KIF18A: variants seen among roughly 807,000 people sequenced by gnomAD.
KIF18A encodes the protein kinesin family member 18A.
KIF18A carries 67 observed loss-of-function variants against 103.3 expected under a neutral mutation model. That is an observed-to-expected ratio of 0.65 (90% CI 0.53 to 0.79). The LOEUF is 0.79. KIF18A is among the 30% of genes least tolerant of loss of function. The probability of loss-of-function intolerance (pLI) is 0.00; values close to 1 mark genes in which losing one functional copy is unlikely to be tolerated. For missense variants in KIF18A, 1,032 were observed against 1,062.5 expected (o/e 0.97, Z 0.40); for synonymous variants, 367 against 355.5 (o/e 1.03, Z -0.36).
intron 13 of KIF18A, among the ~76,000 whole-genome samples, chr11:28,052,263 T>C (rs1308470359): frequency 1.3e-5 from 2 of 152,086 alleles, no homozygotes; most frequent in African/African-American, 4.8e-5. Flanking sequence ...GTATGTTACA[T>C]TTCTGCTCAG....
chr11:28,089,631 G>A (rs1851276327), intron 5 of KIF18A, among the ~76,000 whole-genome samples: 1 of 152,080 alleles, frequency 6.6e-6, no homozygotes, highest in Non-Finnish European at 1.5e-5. Context: ...AATCTTATGG[G>A]ACCACTGTTG....
At chr11:28,057,533 AAAAAC>A (rs1850797419) in intron 13 of KIF18A, among the ~76,000 whole-genome samples, 1 of 152,070 alleles carries the variant, frequency 6.6e-6, no homozygotes, top group South Asian at 2.1e-4. Context: ...ACAAAACAAA[AAAAAC>A]AAAACAAAAA....
In KIF18A at chr11:28,030,966, T is replaced by C. The variant is rs545584254; in HGVS notation, c.2504+4421A>G. 4.6e-5 allele frequency among the ~76,000 whole-genome samples: 7 copies of C among 150,964 alleles called. No homozygotes were observed. In the East Asian group the frequency reaches 9.8e-4, roughly 21 times the overall value. ...TCACTGGCCATCAGAGAAATGCAAA[T>C]CAAAACCACAATGAGATACCATCTC... On this transcript the variant is annotated intron_variant, in intron 15 of 16. Coordinates refer to ENST00000263181, the MANE Select transcript of KIF18A (RefSeq NM_031217.4).
At chr11:28,052,865 A>G (rs1850728132) in intron 13 of KIF18A, among the ~76,000 whole-genome samples, 1 of 152,166 alleles carries the variant, frequency 6.6e-6, no homozygotes, top group Admixed American at 6.6e-5. Context: ...GATTGTTACT[A>G]AAGATGACTA....
chr11:28,091,576 C>T (rs1851305531), intron 3 of KIF18A, 63 bp from the exon 4 acceptor site: 3 of 758,264 alleles, frequency 4.0e-6, no homozygotes, highest in Non-Finnish European at 4.4e-6. Flanking sequence ...TTACATCACA[C>T]ATACACTGCT....
chr11:28,075,005 T>C (rs1851071268), intron 10 of KIF18A, among the ~76,000 whole-genome samples: 1 of 152,214 alleles, frequency 6.6e-6, no homozygotes, highest in African/African-American at 2.4e-5. Context: ...TTTAGGTATA[T>C]ATTTATCTTA....
chr11:28,099,254 A>G (rs1332698528), intron 1 of KIF18A, among the ~76,000 whole-genome samples: 1 of 152,168 alleles, frequency 6.6e-6, no homozygotes, highest in Non-Finnish European at 1.5e-5. Flanking sequence ...CAAATATCAC[A>G]TGATCTCACT....
intron 13 of KIF18A, among the ~76,000 whole-genome samples, chr11:28,056,601 A>G (rs1212072242): frequency 1.3e-5 from 2 of 151,944 alleles, no homozygotes; most frequent in East Asian, 3.9e-4. Context: ...ACAAATTCAG[A>G]AAGTCAGGAA....
At chr11:28,028,055 C>T (rs1850343362) in intron 15 of KIF18A, among the ~76,000 whole-genome samples, 1 of 151,830 alleles carries the variant, frequency 6.6e-6, no homozygotes, top group Non-Finnish European at 1.5e-5. Flanking sequence ...GCAAATTAAC[C>T]AATGTGATAC....
intron 6 of KIF18A, among the ~76,000 whole-genome samples, chr11:28,086,985 A>G (rs541913986): frequency 6.6e-6 from 1 of 152,236 alleles, no homozygotes; most frequent in South Asian, 2.1e-4. Flanking sequence ...TTTTAAAAAA[A>G]AAACCTGCTC....
At chr11:28,025,069 G>C (rs981876128) in intron 15 of KIF18A, among the ~76,000 whole-genome samples, 1 of 151,872 alleles carries the variant, frequency 6.6e-6, no homozygotes, top group African/African-American at 2.4e-5. Context: ...ATGTGGTCTC[G>C]CTCTCTATTA....
At chr11:28,098,120 G>T (rs1851399266) in intron 1 of KIF18A, 127 bp from the exon 2 acceptor site, 2 of 536,262 alleles carry the variant, frequency 3.7e-6, no homozygotes, top group Admixed American at 7.3e-5. Flanking sequence ...AACACTGGGG[G>T]AAAAATACAT....
chr11:28,095,480 C>A (rs565421488), intron 2 of KIF18A, among the ~76,000 whole-genome samples: 2 of 152,344 alleles, frequency 1.3e-5, no homozygotes, highest in South Asian at 2.1e-4. Context: ...ATATCCACAT[C>A]CCTCTCTTCT....
chr11:28,091,778 T>C (rs1851308118), intron 3 of KIF18A, among the ~76,000 whole-genome samples: 1 of 152,232 alleles, frequency 6.6e-6, no homozygotes, highest in African/African-American at 2.4e-5. Flanking sequence ...TTGATGACTA[T>C]GGTGAAACAG....
At chr11:28,066,025 A>G (rs556354710) in intron 11 of KIF18A, among the ~76,000 whole-genome samples, 2 of 152,150 alleles carry the variant, frequency 1.3e-5, no homozygotes, top group African/African-American at 4.8e-5. Flanking sequence ...ATTTTTGCCA[A>G]CTATAAGGGG....
At chr11:28,023,617 C>G in intron 16 of KIF18A, 124 bp downstream of exon 16, 1 of 493,488 alleles carries the variant, frequency 2.0e-6, no homozygotes, top group Non-Finnish European at 3.6e-6. Flanking sequence ...CATACTTGTT[C>G]TACCACATAG....
At chr11:28,079,595 G>T (rs117127577) in intron 9 of KIF18A, among the ~76,000 whole-genome samples, 1,682 of 152,120 alleles carry the variant, frequency 0.011, 17 homozygotes, top group Middle Eastern at 0.038. Flanking sequence ...ATAACCATTG[G>T]TTTAAGTTGT....
At chr11:28,030,933 G>T (rs1248543251) in intron 15 of KIF18A, among the ~76,000 whole-genome samples, 4 of 151,526 alleles carry the variant, frequency 2.6e-5, no homozygotes, top group Admixed American at 2.0e-4. Context: ...ATGAAAAAAT[G>T]CTCATGATCA....
chr11:28,036,678 T>TA lies in KIF18A; in HGVS notation c.1949-15dup. ...CTGAAGATGAGCCTATTCAAAAAAA[T>TA]AAAAAAAGACACTCGATAATGTTTC... is the stretch of plus-strand genomic sequence containing the variant. On this transcript the variant is annotated splice_polypyrimidine_tract_variant and intron_variant, in intron 13 of 16. Coordinates refer to ENST00000263181, the MANE Select transcript of KIF18A (RefSeq NM_031217.4). The TA allele has an allele frequency of 4.7e-6, 7 of 1,493,758 alleles. No homozygotes were observed. The East Asian group carries it at 1.4e-4, about 29-fold the overall frequency. The allele number at this position is 1,493,758 out of a possible 1,614,324, so 92.5% of individuals were successfully genotyped here. A position where few individuals can be genotyped will look rare whatever the true frequency, so the allele number is the denominator to read the frequency against.
Sources: gnomAD v4.1 joint callset for allele counts (sites outside exome capture counted in the v4.1 genomes callset) on GRCh38, gnomAD v4.1.1 for gene constraint, MANE v1.5 for transcripts, NCBI Gene and HGNC (gene_info 2026-07-23, HGNC 2026-07-21) for gene names.